The following CADM1 variants were observed in gnomAD, a reference collection of about 807,000 sequenced individuals.
CADM1 encodes TSLC-1.
Under a neutral mutation model 53.1 loss-of-function variants are expected in CADM1, and 15 were observed. That is an observed-to-expected ratio of 0.28 (90% CI 0.19 to 0.44). The LOEUF (loss-of-function observed/expected upper bound fraction) is 0.44, where lower values mean the gene tolerates loss of function less well. Ranked by LOEUF, CADM1 falls within the 20% of genes least tolerant of loss-of-function variation. The pLI is 1.00. For synonymous variants in CADM1, 281 were observed against 243.0 expected (o/e 1.16, Z -1.45); for missense variants, 434 against 611.3 (o/e 0.71, Z 3.06).
chr11:115,381,747 T>C (rs1405809024), intron 1 of CADM1, among the ~76,000 whole-genome samples: 2 of 152,222 alleles, frequency 1.3e-5, no homozygotes, highest in African/African-American at 4.8e-5. Flanking sequence ...AGTGACTACA[T>C]GTGAGAATGT....
chr11:115,405,884 A>C (rs1008139558), intron 1 of CADM1, among the ~76,000 whole-genome samples: 2 of 152,180 alleles, frequency 1.3e-5, no homozygotes, highest in African/African-American at 4.8e-5. Flanking sequence ...AGGAGGAAGG[A>C]TAAGGAGTAA....
At chr11:115,398,851 A>C (rs1947066629) in intron 1 of CADM1, among the ~76,000 whole-genome samples, 1 of 152,136 alleles carries the variant, frequency 6.6e-6, no homozygotes, top group South Asian at 2.1e-4. Flanking sequence ...TCCTTTACAA[A>C]ATCCTTTGGT....
At chr11:115,323,197 C>T (rs1199950326) in intron 1 of CADM1, among the ~76,000 whole-genome samples, 3 of 152,108 alleles carry the variant, frequency 2.0e-5, no homozygotes, top group Non-Finnish European at 4.4e-5. Context: ...TGGCATTGAA[C>T]ATCTTTTCAT....
intron 2 of CADM1, among the ~76,000 whole-genome samples, 200 bp downstream of exon 2, chr11:115,240,074 C>T (rs1942169487): frequency 6.6e-6 from 1 of 152,084 alleles, no homozygotes; most frequent in Admixed American, 6.6e-5. Flanking sequence ...AGTAAGACTG[C>T]CTTACTTTTA....
At chr11:115,275,678 G>C (rs1430533965) in intron 1 of CADM1, among the ~76,000 whole-genome samples, 1 of 152,132 alleles carries the variant, frequency 6.6e-6, no homozygotes. Context: ...GATTTTAGAG[G>C]GGTTGGAGGG....
intron 10 of CADM1, among the ~76,000 whole-genome samples, chr11:115,180,966 G>A (rs969254592): frequency 1.3e-5 from 2 of 152,160 alleles, no homozygotes; most frequent in Non-Finnish European, 1.5e-5. Flanking sequence ...AGTGAGACTA[G>A]ACATTGAGGA....
intron 1 of CADM1, among the ~76,000 whole-genome samples, chr11:115,347,015 C>G (rs1945596695): frequency 6.6e-6 from 1 of 152,044 alleles, no homozygotes; most frequent in African/African-American, 2.4e-5. Context: ...TTTAGAGTAC[C>G]TAAACTAAAT....
Position 115,173,835 on chromosome 11 carries a change from G to A in CADM1, c.*2639C>T, listed in dbSNP as rs1416464439. The A allele has an allele frequency of 1.1e-5, 11 of 981,838 alleles. No homozygotes were observed. The highest frequency in any genetic ancestry group is 1.8e-5 in the African/African-American group (1 of 57,068). The allele number at this position is 981,838 out of a possible 1,614,324, so 60.8% of individuals were successfully genotyped here. A position where few individuals can be genotyped will look rare whatever the true frequency, so the allele number is the denominator to read the frequency against. On this transcript the variant is annotated 3_prime_UTR_variant, in exon 12 of 12. Coordinates refer to ENST00000331581, the MANE Select transcript of CADM1 (RefSeq NM_001301043.2). ...AAAGGGAAAAATAAGACGTCGGTGTGACTAAAGAACAAGCTTATTTGGCAT... is the reference window on the plus strand; with the variant it reads ...AAAGGGAAAAATAAGACGTCGGTGTAACTAAAGAACAAGCTTATTTGGCAT...
chr11:115,295,370 G>C (rs1177707042), intron 1 of CADM1, among the ~76,000 whole-genome samples: 1 of 151,180 alleles, frequency 6.6e-6, no homozygotes, highest in African/African-American at 2.4e-5. Context: ...ACATCCTTGA[G>C]GTCAGTCTTC....
In CADM1 at chr11:115,245,043, C is replaced by T. The variant is rs12270267; in HGVS notation, c.125-4623G>A. On this transcript the variant is annotated intron_variant, in intron 1 of 11. Transcript: ENST00000331581. ...TCTAGTCAAGACTATAATAAAAGGG[C>T]AAGTCATAGTTAAAACAGAATTGAG... Among the ~76,000 whole-genome samples, 324 of 152,224 alleles carry T rather than the reference C, an allele frequency of 2.1e-3. 3 individuals carry two copies. The highest frequency in any genetic ancestry group is 7.5e-3 in the African/African-American group (311 of 41,554).
chr11:115,233,045 G>A (rs1252906800), intron 3 of CADM1, among the ~76,000 whole-genome samples: 1 of 152,214 alleles, frequency 6.6e-6, no homozygotes, highest in African/African-American at 2.4e-5. Flanking sequence ...CTTTTACACT[G>A]AATTGGAGCA....
chr11:115,257,922 A>G (rs910131858), intron 1 of CADM1, among the ~76,000 whole-genome samples: 1 of 152,196 alleles, frequency 6.6e-6, no homozygotes, highest in Non-Finnish European at 1.5e-5. Context: ...AGGCGTTTGC[A>G]TGCCTAGTAA....
chr11:115,251,313 AAG>A (rs1331381063), intron 1 of CADM1, among the ~76,000 whole-genome samples: 1 of 152,182 alleles, frequency 6.6e-6, no homozygotes, highest in Non-Finnish European at 1.5e-5. Context: ...TCCTGCCAAC[AAG>A]AGTCATTGAA....
chr11:115,335,344 T>C (rs982161650), intron 1 of CADM1, among the ~76,000 whole-genome samples: 3 of 152,116 alleles, frequency 2.0e-5, no homozygotes, highest in Admixed American at 2.0e-4. Flanking sequence ...ATTTTGCAAA[T>C]CTAAAGTTTG....
At chr11:115,299,301 C>T (rs1944158385) in intron 1 of CADM1, among the ~76,000 whole-genome samples, 1 of 152,054 alleles carries the variant, frequency 6.6e-6, no homozygotes, top group African/African-American at 2.4e-5. Context: ...GACAGAACCA[C>T]AAATGGCCAC....
chr11:115,340,713 T>C (rs1450803921), intron 1 of CADM1, among the ~76,000 whole-genome samples: 2 of 132,658 alleles, frequency 1.5e-5, no homozygotes, highest in East Asian at 2.3e-4. Context: ...CAGGCTGCAG[T>C]GTAGTGGCGC....
At chr11:115,477,272 A>G (rs762330356) in intron 1 of CADM1, among the ~76,000 whole-genome samples, 10 of 152,100 alleles carry the variant, frequency 6.6e-5, no homozygotes, top group African/African-American at 2.2e-4. Context: ...TGCATGGATC[A>G]TGGAAAAAAA....
Position 115,229,104 on chromosome 11 carries a change from G to A in CADM1, c.721+9C>T, listed in dbSNP as rs771656240. On this transcript the variant is annotated intron_variant, in intron 5 of 11. Transcript: ENST00000331581. ...CTACGCCCTCAGAATAAGATACCAGGGTACTCACACTGTACTTCTAGATAC... is the reference window on the plus strand; with the variant it reads ...CTACGCCCTCAGAATAAGATACCAGAGTACTCACACTGTACTTCTAGATAC... 3.7e-6 allele frequency: 6 copies of A among 1,613,570 alleles called. No homozygotes were observed. In the African/African-American group the frequency reaches 5.3e-5, roughly 14 times the overall value.
At chr11:115,207,534 T>C (rs1488168351) in intron 8 of CADM1, among the ~76,000 whole-genome samples, 1 of 152,062 alleles carries the variant, frequency 6.6e-6, no homozygotes, top group Non-Finnish European at 1.5e-5. Context: ...TCTGCTGAGT[T>C]GCTGAGATTG....
Sources: gnomAD v4.1 joint callset for allele counts (sites outside exome capture counted in the v4.1 genomes callset) on GRCh38, gnomAD v4.1.1 for gene constraint, MANE v1.5 for transcripts, NCBI Gene and HGNC (gene_info 2026-07-23, HGNC 2026-07-21) for gene names.